The following ZNF385D variants were observed in gnomAD, a reference collection of about 807,000 sequenced individuals.
The protein encoded by ZNF385D is zinc finger protein 385D, also known as zinc finger protein 659.
Under a neutral mutation model 35.8 loss-of-function variants are expected in ZNF385D, and 15 were observed. The ratio of observed to expected loss-of-function variants is 0.42; its 90% CI spans 0.28 to 0.64. ZNF385D has a LOEUF of 0.64. Ranked by LOEUF, ZNF385D falls within the 30% of genes least tolerant of loss-of-function variation. The pLI, the probability that ZNF385D is intolerant of heterozygous loss-of-function variation, is 0.23. For missense variants in ZNF385D, 474 were observed against 494.6 expected (o/e 0.96, Z 0.39); for synonymous variants, 212 against 186.8 (o/e 1.13, Z -1.10).
At chr3:22,050,469 C>T (rs1699282350) in intron 3 of ZNF385D, among the ~76,000 whole-genome samples, 1 of 152,112 alleles carries the variant, frequency 6.6e-6, no homozygotes, top group Admixed American at 6.5e-5. Context: ...ATCATCAGAT[C>T]CTGGGCTTTC....
chr3:21,771,032 T>A lies in ZNF385D; in HGVS notation c.326-106004A>T, dbSNP rs779920821. Reference sequence around the variant, plus strand: ...ACATGTTCTCACTCATAGGTGGGAATTGAACAATGAAAACACTTGGACACA... The same window carrying A: ...ACATGTTCTCACTCATAGGTGGGAAATGAACAATGAAAACACTTGGACACA... On this transcript the variant is annotated intron_variant, in intron 3 of 5. Transcript: ENST00000494108. 4.3e-5 allele frequency among the ~76,000 whole-genome samples: 6 copies of A among 139,038 alleles called. No individual in the cohort carries two copies. The South Asian group carries it at 1.1e-3, about 25-fold the overall frequency. The allele number at this position is 139,038 out of a possible 152,430, so 91.2% of individuals were successfully genotyped here. A position where few individuals can be genotyped will look rare whatever the true frequency, so the allele number is the denominator to read the frequency against.
intron 1 of ZNF385D, among the ~76,000 whole-genome samples, chr3:21,735,802 T>C (rs1289609070): frequency 6.6e-6 from 1 of 151,900 alleles, no homozygotes. Flanking sequence ...ATTGGTTGCC[T>C]TGTCCTCCTC....
chr3:21,588,840 A>AAAAAG (rs1159738381), intron 2 of ZNF385D, among the ~76,000 whole-genome samples: 1 of 152,170 alleles, frequency 6.6e-6, no homozygotes, highest in Non-Finnish European at 1.5e-5. Context: ...TCACCCAGAG[A>AAAAAG]AAAAGAAATA....
chr3:21,512,625 T>A (rs533109680), intron 3 of ZNF385D, among the ~76,000 whole-genome samples: 2 of 152,300 alleles, frequency 1.3e-5, no homozygotes, highest in East Asian at 3.9e-4. Flanking sequence ...CACTCATGCA[T>A]CAGTTACAAG....
chr3:22,065,149 GA>G (rs1699873930), intron 3 of ZNF385D, among the ~76,000 whole-genome samples: 1 of 152,156 alleles, frequency 6.6e-6, no homozygotes, highest in Admixed American at 6.6e-5. Flanking sequence ...TGAACTTATT[GA>G]GAGAGTGTGG....
chr3:21,487,138 A>G (rs991703523), intron 4 of ZNF385D, among the ~76,000 whole-genome samples: 2 of 152,108 alleles, frequency 1.3e-5, no homozygotes, highest in Non-Finnish European at 2.9e-5. Flanking sequence ...AAGGCTTTTC[A>G]TTCCTCTACA....
chr3:21,731,779 G>A (rs916710495), intron 1 of ZNF385D, among the ~76,000 whole-genome samples: 5 of 152,068 alleles, frequency 3.3e-5, no homozygotes, highest in African/African-American at 4.8e-5. Context: ...TCATTCAAGG[G>A]TCAAATGTAG....
At chr3:21,997,872 CGTGTGT>C (rs751459423) in intron 3 of ZNF385D, among the ~76,000 whole-genome samples, 15,575 of 89,700 alleles carry the variant, frequency 0.17, 1,069 homozygotes, top group Non-Finnish European at 0.23. Context: ...CGCGCGCGCG[CGTGTGT>C]GTGTGTGTGT....
intron 2 of ZNF385D, among the ~76,000 whole-genome samples, chr3:22,238,688 G>T (rs2125310117): frequency 6.6e-6 from 1 of 150,700 alleles, no homozygotes; most frequent in East Asian, 2.0e-4. Context: ...TTATGTGTAT[G>T]TATTTGTGTG....
rs149732639 is a variant in ZNF385D at position 21,576,138 on chromosome 3, C to T, written c.166-11454G>A. ...TAAACAGTGGAGCAGTTGGTTTATC[C>T]GGTTCTCTCATCTATATTTAATGTG... On this transcript the variant is annotated intron_variant, in intron 2 of 7. Transcript: ENST00000281523. 2.0e-4 allele frequency among the ~76,000 whole-genome samples: 31 copies of T among 152,076 alleles called. No individual in the cohort carries two copies. The East Asian group carries it at 5.0e-3, about 25-fold the overall frequency.
intron 2 of ZNF385D, among the ~76,000 whole-genome samples, chr3:22,201,934 A>C (rs1046758720): frequency 2.0e-5 from 3 of 151,998 alleles, no homozygotes; most frequent in African/African-American, 7.2e-5. Context: ...CCCAAGCAAA[A>C]TAAAGATCAA....
chr3:21,911,871 T>C (rs1222250876), intron 3 of ZNF385D, among the ~76,000 whole-genome samples: 3 of 151,970 alleles, frequency 2.0e-5, no homozygotes, highest in African/African-American at 7.2e-5. Flanking sequence ...GTATAATCAC[T>C]TTTGTTAAAT....
At chr3:21,960,022 CAA>C (rs34894053) in intron 3 of ZNF385D, among the ~76,000 whole-genome samples, 24,043 of 114,584 alleles carry the variant, frequency 0.21, 2,042 homozygotes, top group Middle Eastern at 0.26. Flanking sequence ...GCACAGCCTC[CAA>C]AAAAAAAAAA....
chr3:22,040,022 G>A (rs376432118), intron 3 of ZNF385D, among the ~76,000 whole-genome samples: 28 of 152,190 alleles, frequency 1.8e-4, no homozygotes, highest in Admixed American at 7.9e-4. Flanking sequence ...GCCATGCACC[G>A]TTGCCTCAAC....
chr3:21,798,287 A>G (rs2072243272), intron 3 of ZNF385D, among the ~76,000 whole-genome samples: 1 of 152,196 alleles, frequency 6.6e-6, no homozygotes. Context: ...GGCTGAAATC[A>G]AGATGTCAGC....
intron 3 of ZNF385D, among the ~76,000 whole-genome samples, chr3:22,066,884 A>T (rs866301364): frequency 6.6e-6 from 1 of 152,212 alleles, no homozygotes; most frequent in Non-Finnish European, 1.5e-5. Flanking sequence ...ACTTTTACCT[A>T]CGCTGAATGC....
At chr3:21,750,144 A>T (rs1221063225) in intron 1 of ZNF385D, among the ~76,000 whole-genome samples, 1 of 152,244 alleles carries the variant, frequency 6.6e-6, no homozygotes, top group East Asian at 1.9e-4. Flanking sequence ...CTGTACTAGC[A>T]GTAAGTTGCG....
At chr3:22,233,148 T>C (rs1302859745) in intron 2 of ZNF385D, among the ~76,000 whole-genome samples, 4 of 151,838 alleles carry the variant, frequency 2.6e-5, no homozygotes, top group Admixed American at 6.6e-5. Context: ...CCTTCAGATT[T>C]TTTCTATCTC....
At chr3:22,365,220 A>G (rs1015068183) in intron 2 of ZNF385D, among the ~76,000 whole-genome samples, 1 of 152,066 alleles carries the variant, frequency 6.6e-6, no homozygotes, top group Non-Finnish European at 1.5e-5. Flanking sequence ...GGTGCACTTA[A>G]AATGATTAAG....
Sources: gnomAD v4.1 joint callset for allele counts (sites outside exome capture counted in the v4.1 genomes callset) on GRCh38, gnomAD v4.1.1 for gene constraint, MANE v1.5 for transcripts, NCBI Gene and HGNC (gene_info 2026-07-23, HGNC 2026-07-21) for gene names.